The following DNAI3 variants were observed in gnomAD, a reference collection of about 807,000 sequenced individuals.
DNAI3 encodes dynein axonemal intermediate chain 3.
A neutral mutation model predicts 115.5 loss-of-function variants in DNAI3; 83 were observed. The ratio of observed to expected loss-of-function variants is 0.72; its 90% confidence interval spans 0.60 to 0.86. The LOEUF (loss-of-function observed/expected upper bound fraction) is 0.86. DNAI3 is among the 40% of genes least tolerant of loss of function. DNAI3 has a pLI of 0.00. For synonymous variants in DNAI3, 320 were observed against 347.0 expected, an observed-to-expected ratio of 0.92 and a Z score of 0.86; for missense variants, 1,004 against 1,075.8, an observed-to-expected ratio of 0.93 and a Z score of 0.93.
rs1276188771 is a variant in DNAI3, at chr1:85,073,037, C to A, written c.65-17C>A. On this transcript the variant is annotated splice_polypyrimidine_tract_variant and intron_variant, in intron 2 of 22. Coordinates refer to ENST00000294664, the MANE Select transcript of DNAI3 (RefSeq NM_145172.5). ...GATTCAAAAATGTAAATTTGACTTCCTTTTATTATATTCTAGCTAGTGAAG... is the reference window on the plus strand; with the variant it reads ...GATTCAAAAATGTAAATTTGACTTCATTTTATTATATTCTAGCTAGTGAAG... The A allele has an allele frequency of 6.7e-7, 1 of 1,487,008 alleles. No individual in the cohort carries two copies. Among genetic ancestry groups the A allele is most frequent in the Non-Finnish European group, 9.0e-7 (1 of 1,106,746 alleles). 92.1% of individuals were successfully genotyped at this position (1,487,008 alleles called of 1,614,324 possible). A position where few individuals can be genotyped will look rare whatever the true frequency, so the allele number is the denominator to read the frequency against.
At chr1:85,088,855 C>T (rs995311378) in intron 7 of DNAI3, among the ~76,000 whole-genome samples, 2 of 151,786 alleles carry the variant, frequency 1.3e-5, no homozygotes, top group Non-Finnish European at 2.9e-5. Flanking sequence ...TTTACTTAAC[C>T]CTGTCTAGAG....
chr1:85,080,272 C>T (rs1367438872), intron 3 of DNAI3, among the ~76,000 whole-genome samples: 3 of 152,018 alleles, frequency 2.0e-5, no homozygotes, highest in South Asian at 2.1e-4. Context: ...AGGATGGTCT[C>T]GATCTCCTGA....
At chr1:85,100,950 A>T (rs1246727906) in intron 13 of DNAI3, among the ~76,000 whole-genome samples, 2 of 149,690 alleles carry the variant, frequency 1.3e-5, no homozygotes, top group African/African-American at 4.9e-5. Flanking sequence ...AGGAAGGGGA[A>T]CATCACACTC....
At chr1:85,070,175 C>T (rs569970519) in intron 1 of DNAI3, among the ~76,000 whole-genome samples, 67 of 152,124 alleles carry the variant, frequency 4.4e-4, no homozygotes, top group African/African-American at 1.5e-3. Context: ...GCAGGAGAAT[C>T]GCTTGAACCT....
At chr1:85,086,349 A>C (rs1654800551) in intron 7 of DNAI3, among the ~76,000 whole-genome samples, 1 of 152,092 alleles carries the variant, frequency 6.6e-6, no homozygotes, top group South Asian at 2.1e-4. Context: ...CTGTTCTACT[A>C]CCTAAGTCAT....
chr1:85,120,593 A>G (rs1655968768), intron 17 of DNAI3, among the ~76,000 whole-genome samples: 2 of 152,220 alleles, frequency 1.3e-5, no homozygotes, highest in African/African-American at 4.8e-5. Context: ...GGAGATATTA[A>G]TAACTCTCTT....
intron 1 of DNAI3, among the ~76,000 whole-genome samples, chr1:85,066,403 A>C (rs958943357): frequency 2.2e-5 from 3 of 135,914 alleles, no homozygotes; most frequent in Non-Finnish European, 4.6e-5. Flanking sequence ...GCTCACTGCA[A>C]GCTCCGTCTG....
intron 13 of DNAI3, chr1:85,099,355 A>G (rs553879075): frequency 1.2e-6 from 1 of 828,120 alleles, no homozygotes; most frequent in Non-Finnish European, 1.5e-6. Flanking sequence ...GAGCCAAATC[A>G]TGAGTGAACT....
intron 2 of DNAI3, 21 bp downstream of exon 2, chr1:85,072,026 A>T: frequency 6.2e-7 from 1 of 1,600,052 alleles, no homozygotes; most frequent in Non-Finnish European, 8.5e-7. Context: ...TTCTTCATTG[A>T]ATGGGATTTT....
chr1:85,082,269 T>C (rs764106794), intron 4 of DNAI3, 31 bp from the exon 5 acceptor site: 1 of 1,552,298 alleles, frequency 6.4e-7, no homozygotes, highest in East Asian at 2.2e-5. Context: ...CCATTGAACA[T>C]TAACTTCCTA....
intron 13 of DNAI3, among the ~76,000 whole-genome samples, chr1:85,101,468 T>C (rs1655307869): frequency 6.6e-6 from 1 of 152,064 alleles, no homozygotes; most frequent in South Asian, 2.1e-4. Flanking sequence ...CACACGCCTG[T>C]AATCCCAGCA....
chr1:85,088,735 T>A (rs576052581), intron 7 of DNAI3, among the ~76,000 whole-genome samples: 9 of 152,308 alleles, frequency 5.9e-5, no homozygotes, highest in African/African-American at 2.2e-4. Flanking sequence ...CAATAATGAA[T>A]GGTTTTGCTG....
Position 85,067,172 on chromosome 1 carries a change from C to T in DNAI3, c.-15+4686C>T, listed in dbSNP as rs558978214. ...CTTATAAATGTTTCTATCGATGGTG[C>T]CTAGAAATGTAGATATTATGCTTTT... On this transcript the variant is annotated intron_variant, in intron 1 of 22. Transcript: ENST00000294664. 7.2e-5 allele frequency among the ~76,000 whole-genome samples: 11 copies of T among 152,232 alleles called. No individual in the cohort carries two copies. In the East Asian group the frequency reaches 1.4e-3, roughly 19 times the overall value.
At chr1:85,101,161 T>TA (rs1013430136) in intron 13 of DNAI3, among the ~76,000 whole-genome samples, 2 of 150,844 alleles carry the variant, frequency 1.3e-5, no homozygotes, top group African/African-American at 2.4e-5. Flanking sequence ...CACTTGAACA[T>TA]AAAAAAAAGA....
At chr1:85,096,107 G>C in intron 11 of DNAI3, 87 bp downstream of exon 11, 1 of 1,249,570 alleles carries the variant, frequency 8.0e-7, no homozygotes, top group Non-Finnish European at 1.2e-6. Context: ...TGGACTTAAG[G>C]ATTCAATTCA....
chr1:85,074,685 A>G (rs764143446), intron 3 of DNAI3, among the ~76,000 whole-genome samples: 1 of 152,184 alleles, frequency 6.6e-6, no homozygotes, highest in Non-Finnish European at 1.5e-5. Context: ...TATTCTATAC[A>G]GTCCCTTTGA....
At chr1:85,102,636 T>G (rs1655361431) in intron 13 of DNAI3, among the ~76,000 whole-genome samples, 2 of 152,210 alleles carry the variant, frequency 1.3e-5, no homozygotes, top group South Asian at 4.1e-4. Flanking sequence ...ATAAAACTTT[T>G]GGAATGCAGT....
intron 21 of DNAI3, among the ~76,000 whole-genome samples, chr1:85,129,755 G>A (rs1656257894): frequency 6.6e-6 from 1 of 151,972 alleles, no homozygotes; most frequent in African/African-American, 2.4e-5. Flanking sequence ...TCTGGTAGTG[G>A]GCCTGTGAAT....
intron 15 of DNAI3, among the ~76,000 whole-genome samples, 190 bp from the exon 16 acceptor site, chr1:85,109,858 T>C (rs916160762): frequency 3.9e-5 from 6 of 151,922 alleles, no homozygotes; most frequent in African/African-American, 1.2e-4. Context: ...TGTAGCTGGG[T>C]TTAGAAATGT....
Sources: allele counts gnomAD v4.1 joint callset (sites outside exome capture counted in the v4.1 genomes callset), GRCh38; gene constraint gnomAD v4.1.1; transcripts MANE v1.5; gene names NCBI Gene and HGNC (gene_info 2026-07-23, HGNC 2026-07-21).